NCOR2: variants seen among roughly 807,000 people sequenced by gnomAD.
NCOR2 encodes nuclear receptor corepressor 2, also known as CTG repeat protein 26.
Under a neutral mutation model 262.9 loss-of-function variants are expected in NCOR2, and 81 were observed. That is an observed-to-expected ratio of 0.31 (90% CI 0.26 to 0.37). The LOEUF (loss-of-function observed/expected upper bound fraction) is 0.37, where lower values mean the gene tolerates loss of function less well. Ranked by LOEUF, NCOR2 falls within the 10% of genes least tolerant of loss-of-function variation. NCOR2 has a pLI of 1.00. For synonymous variants in NCOR2, 1,659 were observed against 1,559.3 expected (o/e 1.06, Z -1.51); for missense variants, 3,385 against 3,621.4 (o/e 0.93, Z 1.68).
intron 12 of NCOR2, among the ~76,000 whole-genome samples, chr12:124,420,990 A>T (rs1436559272): frequency 6.6e-6 from 1 of 152,256 alleles, no homozygotes; most frequent in Non-Finnish European, 1.5e-5. Flanking sequence ...ATCGAGAAAG[A>T]CGTTTTATAA....
At chr12:124,353,702 T>C (rs1375651099) in intron 27 of NCOR2, among the ~76,000 whole-genome samples, 1 of 152,234 alleles carries the variant, frequency 6.6e-6, no homozygotes, top group Non-Finnish European at 1.5e-5. Context: ...TCCCTGAGAT[T>C]CCCGCATGGC....
intron 32 of NCOR2, among the ~76,000 whole-genome samples, chr12:124,344,210 G>C (rs559344759): frequency 6.6e-6 from 1 of 152,394 alleles, no homozygotes; most frequent in Admixed American, 6.5e-5. Flanking sequence ...GGCTGAATGA[G>C]AGGCAGGCAG....
chr12:124,495,189 G>A lies in NCOR2; in HGVS notation c.63C>T (p.Pro21=). Residue 21 remains proline (P), a synonymous_variant, in exon 1 of 47, where the codon CCC becomes CCT. Coordinates refer to ENST00000405201, the Ensembl canonical transcript of NCOR2. This position sits in a 1 kb window ranked among gnomAD's most constrained non-coding sequence, Gnocchi z 4.4. ...TCTGCACTGGGTAGGAAAGGCTGTG[G>A]GGCGGGTAGCGGGGCTCAGTGGCCC... 6.2e-7 allele frequency: 1 copy of A among 1,614,002 alleles called. No homozygotes were observed. Among genetic ancestry groups the A allele is most frequent in the Non-Finnish European group, 8.5e-7 (1 of 1,179,968 alleles).
chr12:124,364,381 G>T (rs2038852592), intron 20 of NCOR2, among the ~76,000 whole-genome samples: 1 of 152,238 alleles, frequency 6.6e-6, no homozygotes. Context: ...AGGAGTGGGG[G>T]AGCTGCACCC....
chr12:124,345,935 G>C (rs370192615), intron 31 of NCOR2, among the ~76,000 whole-genome samples: 4 of 152,144 alleles, frequency 2.6e-5, no homozygotes, highest in African/African-American at 2.4e-5. Context: ...GCTTTCCACC[G>C]AACAGCTCCT....
chr12:124,361,122 CA>C (rs33951841), intron 22 of NCOR2, among the ~76,000 whole-genome samples: 9,400 of 122,410 alleles, frequency 0.077, 460 homozygotes, highest in South Asian at 0.16. Flanking sequence ...CCGTCTCAAA[CA>C]AAAAAAAAAA....
At chr12:124,400,563 C>T in exon 15 of NCOR2, 4 of 1,614,206 alleles carry the variant, frequency 2.5e-6, no homozygotes, top group Non-Finnish European at 3.4e-6. Flanking sequence ...AGCCATTGAG[C>T]GGGTGATGCG....
chr12:124,378,281 G>A lies in NCOR2; in HGVS notation c.2123C>T (p.Ser708Leu), dbSNP rs772228038. The A allele has an allele frequency of 6.8e-6, 11 of 1,613,834 alleles. No homozygotes were observed. The highest frequency in any genetic ancestry group is 1.7e-5 in the Admixed American group (1 of 59,988). Residue 708 changes from serine to leucine, a missense_variant, in exon 18 of 47, where the codon TCG (serine) becomes TTG (leucine). Ser to Leu is a moderately radical substitution (Grantham distance 145, BLOSUM62 -2). This residue lies in a region of NCOR2 where 515 missense variants were observed against 781.2 expected (regional missense o/e 0.66). Transcript: ENST00000405201. This position sits in a 1 kb window ranked among gnomAD's most constrained non-coding sequence, Gnocchi z 4.2. ...CTCCTCCTCATTTCCGCTCACGCCCGACGCCTCCATCTCCTCATCCTCCAC... is the reference window on the plus strand; with the variant it reads ...CTCCTCCTCATTTCCGCTCACGCCCAACGCCTCCATCTCCTCATCCTCCAC...
intron 13 of NCOR2, among the ~76,000 whole-genome samples, chr12:124,406,593 G>A (rs145215067): frequency 6.6e-5 from 10 of 152,336 alleles, no homozygotes; most frequent in African/African-American, 2.2e-4. Context: ...AAAGGACCCC[G>A]CCCTCGTGGT....
rs1309052756 is a variant in NCOR2, at chr12:124,481,131, T to A, written c.411+2465A>T. Among the ~76,000 whole-genome samples, 1 of 145,820 alleles carries A rather than the reference T, an allele frequency of 6.9e-6. No individual in the cohort carries two copies. Among genetic ancestry groups the A allele is most frequent in the Admixed American group, 6.8e-5 (1 of 14,704 alleles). On this transcript the variant is annotated intron_variant, in intron 3 of 46. Coordinates refer to ENST00000405201, the Ensembl canonical transcript of NCOR2. The surrounding 1 kb of genome is among the most constrained non-coding windows in gnomAD (Gnocchi z 4.6). ...AGGGGAGTGAGCAGGACAGGGGGGCTGTTTGGGTGGAAAGAAAGAGAGGGA... is the reference window on the plus strand; with the variant it reads ...AGGGGAGTGAGCAGGACAGGGGGGCAGTTTGGGTGGAAAGAAAGAGAGGGA...
At chr12:124,545,406 C>T (rs751008152) in intron 1 of NCOR2, among the ~76,000 whole-genome samples, 1 of 152,220 alleles carries the variant, frequency 6.6e-6, no homozygotes, top group Non-Finnish European at 1.5e-5. Context: ...CTGCAGGAGC[C>T]TCTGGTCTGG....
intron 1 of NCOR2, among the ~76,000 whole-genome samples, chr12:124,508,490 C>G (rs1205305726): frequency 6.6e-6 from 1 of 152,164 alleles, no homozygotes; most frequent in Non-Finnish European, 1.5e-5. Flanking sequence ...GCTGTAGATA[C>G]CCAAGACCCT....
exon 28 of NCOR2, chr12:124,350,592 T>C (rs745435680): frequency 9.3e-6 from 15 of 1,613,430 alleles, no homozygotes; most frequent in Admixed American, 1.7e-5. Context: ...CTCACCCTCA[T>C]AGGACAAGAC....
rs146503682 is a variant in NCOR2 at position 124,531,492 on chromosome 12, GGGA to G, written c.-118+4070_-118+4072del. On this transcript the variant is annotated intron_variant, in intron 1 of 46. Coordinates refer to the NCOR2 transcript ENST00000404621. The surrounding 1 kb of genome is among the most constrained non-coding windows in gnomAD (Gnocchi z 4.5). ...TGAGGGTGGCCTGTGGGGAGAAGGA[GGGA>G]GGAGAAGGAGGGGTAGGGAGCAGGA... Among the ~76,000 whole-genome samples, 2 of 152,058 alleles carry G rather than the reference GGGA, an allele frequency of 1.3e-5. No homozygotes were observed. Among genetic ancestry groups the G allele is most frequent in the Middle Eastern group, 3.2e-3 (1 of 316 alleles).
rs536364348 is a variant in NCOR2 at position 124,455,634 on chromosome 12, C to T, written c.762+1472G>A. The stretch of plus-strand genomic sequence containing the variant: ...CCTGCAGAAACTTCAGGGGGAGCAG[C>T]TCATCACCAAATTGTTCACAACTAC... On this transcript the variant is annotated intron_variant, in intron 6 of 46. Coordinates refer to ENST00000405201, the Ensembl canonical transcript of NCOR2. Among the ~76,000 whole-genome samples, 21 of 152,364 alleles carry T rather than the reference C, an allele frequency of 1.4e-4. No individual in the cohort carries two copies. In the South Asian group the frequency reaches 4.1e-3, roughly 30 times the overall value.
exon 10 of NCOR2, chr12:124,429,634 G>A (rs777954791): frequency 1.9e-6 from 3 of 1,608,110 alleles, no homozygotes; most frequent in Non-Finnish European, 2.5e-6. Flanking sequence ...AGAGGCCATC[G>A]ATGATCTCTG....
At chr12:124,399,379 T>A (rs2041873199) in intron 15 of NCOR2, among the ~76,000 whole-genome samples, 1 of 152,090 alleles carries the variant, frequency 6.6e-6, no homozygotes, top group Non-Finnish European at 1.5e-5. Flanking sequence ...GCCCCCAGCA[T>A]CAGCCTTGGG....
At chr12:124,422,471 C>G in intron 12 of NCOR2, 30 bp downstream of exon 14, 1 of 1,613,492 alleles carries the variant, frequency 6.2e-7, no homozygotes, top group Non-Finnish European at 8.5e-7. Context: ...AGGTGGAGAC[C>G]GAAGGGGTAT....
intron 20 of NCOR2, among the ~76,000 whole-genome samples, chr12:124,365,003 C>T (rs534899677): frequency 6.6e-6 from 1 of 151,072 alleles, no homozygotes; most frequent in South Asian, 2.1e-4. Context: ...GGAGGTGGCC[C>T]AGCCTATGTT....
Sources: allele counts gnomAD v4.1 joint callset (sites outside exome capture counted in the v4.1 genomes callset), GRCh38; gene constraint gnomAD v4.1.1; regional missense constraint gnomAD v4.1.1; non-coding constraint Gnocchi (gnomAD v3.1); transcripts MANE v1.5; gene names NCBI Gene and HGNC (gene_info 2026-07-23, HGNC 2026-07-21).